Variants in SLC25A24 observed in about 807,000 individuals in gnomAD.
SLC25A24 encodes the protein mitochondrial adenyl nucleotide antiporter SLC25A24.
Under a neutral mutation model 60.7 loss-of-function variants are expected in SLC25A24, and 49 were observed. That is an observed-to-expected ratio of 0.81 (90% CI 0.64 to 1.02). The LOEUF (loss-of-function observed/expected upper bound fraction) is 1.02, where lower values mean the gene tolerates loss of function less well. Ranked by LOEUF, SLC25A24 falls within the 50% of genes least tolerant of loss-of-function variation. The pLI is 0.00. For synonymous variants in SLC25A24, 202 were observed against 200.6 expected (o/e 1.01, Z -0.06); for missense variants, 564 against 586.3 (o/e 0.96, Z 0.39).
At chr1:108,188,336 C>G (rs1327476126) in intron 1 of SLC25A24, among the ~76,000 whole-genome samples, 3 of 151,978 alleles carry the variant, frequency 2.0e-5, no homozygotes, top group Non-Finnish European at 4.4e-5. Flanking sequence ...TGCAATATAC[C>G]CTTGTAACAA....
At chr1:108,152,305 GC>G (rs369633863) in intron 6 of SLC25A24, among the ~76,000 whole-genome samples, 294 of 152,114 alleles carry the variant, frequency 1.9e-3, no homozygotes, top group African/African-American at 6.7e-3. Context: ...GCCTTCTTGT[GC>G]CTACATTTCT....
rs45488498 is a variant in SLC25A24, at chr1:108,192,605, C to G, written c.184-6651G>C. The G allele has an allele frequency of 2.3e-4, 348 of 1,497,816 alleles. 49 individuals carry two copies. The Middle Eastern group carries it at 2.5e-3, about 11-fold the overall frequency. The allele number at this position is 1,497,816 out of a possible 1,614,324, so 92.8% of individuals were successfully genotyped here. ...ATAGTCCAGGTACCAAAAGAGATCT[C>G]CGTAGAGGGAGTCCATCGAGGATGT... On this transcript the variant is annotated intron_variant, in intron 1 of 9. Coordinates refer to ENST00000565488, the MANE Select transcript of SLC25A24 (RefSeq NM_013386.5).
At chr1:108,163,444 A>G (rs1288004804) in intron 3 of SLC25A24, among the ~76,000 whole-genome samples, 1 of 150,232 alleles carries the variant, frequency 6.7e-6, no homozygotes, top group Non-Finnish European at 1.5e-5. Context: ...ATGTTCTTCC[A>G]TTTGTTTGTA....
intron 3 of SLC25A24, among the ~76,000 whole-genome samples, chr1:108,167,943 C>T (rs1647269200): frequency 6.6e-6 from 1 of 152,116 alleles, no homozygotes; most frequent in African/African-American, 2.4e-5. Flanking sequence ...TCTGTTTTCT[C>T]CTAAGAGAAA....
intron 1 of SLC25A24, among the ~76,000 whole-genome samples, chr1:108,194,440 A>G (rs1648433036): frequency 8.1e-6 from 1 of 123,894 alleles, no homozygotes; most frequent in Non-Finnish European, 1.7e-5. Context: ...CCAGGCAGAG[A>G]ATGAGCCTTG....
chr1:108,139,317 G>T, intron 8 of SLC25A24, 109 bp from the exon 9 acceptor site: 1 of 1,174,548 alleles, frequency 8.5e-7, no homozygotes, highest in Non-Finnish European at 1.2e-6. Context: ...GCAGGATGAG[G>T]CCACGCATTT....
At chr1:108,159,293 T>C (rs1679988767) in intron 4 of SLC25A24, among the ~76,000 whole-genome samples, 1 of 152,132 alleles carries the variant, frequency 6.6e-6, no homozygotes, top group African/African-American at 2.4e-5. Context: ...TTAGCAACCA[T>C]GAGGTGCTGA....
rs1433134047 is a variant in SLC25A24 at position 108,191,639 on chromosome 1, T to C, written c.184-5685A>G. Among the ~76,000 whole-genome samples, 2 of 139,412 alleles carry C rather than the reference T, an allele frequency of 1.4e-5. 1 individual carries two copies. Among genetic ancestry groups the C allele is most frequent in the East Asian group, 5.2e-4 (2 of 3,828 alleles). 91.5% of individuals were successfully genotyped at this position (139,412 alleles called of 152,430 possible). On this transcript the variant is annotated intron_variant, in intron 1 of 9. Coordinates refer to ENST00000565488, the MANE Select transcript of SLC25A24 (RefSeq NM_013386.5). ...AACTGACCCATGACTGAATGGATGC[T>C]TCAATATTCCCAAAGTTCACATGGC...
At chr1:108,154,926 T>C (rs1679853192) in intron 6 of SLC25A24, 57 bp downstream of exon 6, 3 of 1,326,618 alleles carry the variant, frequency 2.3e-6, no homozygotes, top group Non-Finnish European at 3.2e-6. Flanking sequence ...TTAACATTTA[T>C]TGAATCCGTT....
At chr1:108,152,875 C>G (rs914251616) in intron 6 of SLC25A24, among the ~76,000 whole-genome samples, 3 of 152,346 alleles carry the variant, frequency 2.0e-5, no homozygotes, top group Middle Eastern at 3.4e-3. Context: ...GAACAGAAGG[C>G]TTCCCAGAGG....
chr1:108,184,798 A>G (rs1187617697), intron 2 of SLC25A24, among the ~76,000 whole-genome samples: 2 of 152,206 alleles, frequency 1.3e-5, no homozygotes, highest in Non-Finnish European at 2.9e-5. Context: ...CTTCTGGACA[A>G]AAAAGTTTGC....
At chr1:108,157,348 T>G in intron 5 of SLC25A24, 114 bp downstream of exon 5, 1 of 1,108,918 alleles carries the variant, frequency 9.0e-7, no homozygotes, top group Non-Finnish European at 1.3e-6. Flanking sequence ...ATTTATTTTT[T>G]AGGGTATAAA....
At chr1:108,143,758 AT>A (rs1202182294) in intron 7 of SLC25A24, 48 bp from the exon 8 acceptor site, 1 of 1,410,980 alleles carries the variant, frequency 7.1e-7, no homozygotes, top group African/African-American at 1.4e-5. Flanking sequence ...TAACTCTATC[AT>A]CATGGGATTC....
rs145915711 is a variant in SLC25A24, at chr1:108,136,491, A to G, written c.*162T>C. 1.8e-3 allele frequency: 1,070 copies of G among 602,392 alleles called. 2 individuals are homozygous for G. The highest frequency in any genetic ancestry group is 4.7e-3 in the South Asian group (210 of 45,128). 37.3% of individuals were successfully genotyped at this position (602,392 alleles called of 1,614,324 possible). On this transcript the variant is annotated 3_prime_UTR_variant, in exon 10 of 10. Coordinates refer to ENST00000565488, the MANE Select transcript of SLC25A24 (RefSeq NM_013386.5). ...TGATTTTGAACATTTCTGTGTACATATAATTTAGCCCAAAAGTTTGAAGTG... is the reference window on the plus strand; with the variant it reads ...TGATTTTGAACATTTCTGTGTACATGTAATTTAGCCCAAAAGTTTGAAGTG...
chr1:108,149,575 T>G (rs1679701740), intron 6 of SLC25A24, among the ~76,000 whole-genome samples: 1 of 152,232 alleles, frequency 6.6e-6, no homozygotes, highest in Non-Finnish European at 1.5e-5. Flanking sequence ...ATACACTATC[T>G]TTACACAACT....
chr1:108,148,374 G>T lies in SLC25A24; in HGVS notation c.835C>A (p.Leu279Ile). 1 of 1,592,936 alleles carries T rather than the reference G, an allele frequency of 6.3e-7. No individual in the cohort carries two copies. Among genetic ancestry groups the T allele is most frequent in the Non-Finnish European group, 8.6e-7 (1 of 1,160,830 alleles). Residue 279 changes from leucine (L) to isoleucine (I), a missense_variant, in exon 7 of 10, where the codon CTT (leucine) becomes ATT (isoleucine). Physicochemically the swap from Leu to Ile is conservative, Grantham distance 5. Coordinates refer to ENST00000565488, the MANE Select transcript of SLC25A24 (RefSeq NM_013386.5). ...CCTATTTTTTGTCCTTCTTCAGTAA[G>T]TAACTTCTTGTACTGTATAAACAAG... is the stretch of plus-strand genomic sequence containing the variant. ...FWAYEQYKKL[L>I]TEEGQKIGTF...
chr1:108,175,197 C>T (rs535317186), intron 3 of SLC25A24, among the ~76,000 whole-genome samples: 32 of 152,262 alleles, frequency 2.1e-4, no homozygotes, highest in Non-Finnish European at 3.1e-4. Context: ...CCACATGTCA[C>T]AGGAGGGACC....
At chr1:108,156,698 T>C (rs1222435204) in intron 5 of SLC25A24, among the ~76,000 whole-genome samples, 2 of 152,238 alleles carry the variant, frequency 1.3e-5, no homozygotes, top group Non-Finnish European at 2.9e-5. Context: ...CATTATCACA[T>C]ACCTGATATT....
At chr1:108,158,759 T>C (rs531914347) in intron 4 of SLC25A24, among the ~76,000 whole-genome samples, 12 of 149,702 alleles carry the variant, frequency 8.0e-5, no homozygotes, top group South Asian at 4.2e-4. Context: ...TCCCAGCACT[T>C]TGGGAGGCGA....
Sources: allele counts gnomAD v4.1 joint callset (sites outside exome capture counted in the v4.1 genomes callset), GRCh38; gene constraint gnomAD v4.1.1; transcripts MANE v1.5; gene names NCBI Gene and HGNC (gene_info 2026-07-23, HGNC 2026-07-21).